The following CDC14B variants were observed in gnomAD, a reference collection of about 807,000 sequenced individuals.
CDC14B encodes cell division cycle 14B, also known as dual specificity protein phosphatase CDC14B.
A neutral mutation model predicts 64.2 loss-of-function variants in CDC14B; 22 were observed. The ratio of observed to expected loss-of-function variants is 0.34; its 90% CI spans 0.24 to 0.49. The LOEUF (loss-of-function observed/expected upper bound fraction) is 0.49, where lower values mean the gene tolerates loss of function less well. CDC14B is among the 20% of genes least tolerant of loss of function. The pLI is 0.99. For synonymous variants in CDC14B, 191 were observed against 215.8 expected (o/e 0.89, Z 1.01); for missense variants, 498 against 629.9 (o/e 0.79, Z 2.24).
Position 96,539,100 on chromosome 9 carries a change from A to G in CDC14B, c.605T>C (p.Leu202Pro). 1.1e-5 allele frequency: 17 copies of G among 1,609,828 alleles called. No individual in the cohort carries two copies. The highest frequency in any genetic ancestry group is 1.4e-5 in the Non-Finnish European group (17 of 1,176,256). Residue 202 changes from leucine to proline, a missense_variant, in exon 7 of 14, where the codon CTT becomes CCT. Leu to Pro is a moderately conservative substitution (Grantham distance 98). Coordinates refer to ENST00000375241, the MANE Select transcript of CDC14B (RefSeq NM_033331.4). ...YGFLNFNSFN[L>P]DEYEHYEKAE... ...TACTTCATAGTGTTCATATTCATCA[A>G]GGTTAAATGAGTTGAAATTAAGGAA...
In CDC14B at chr9:96,606,847, T is replaced by C. The variant is rs564535561; in HGVS notation, c.160+12372A>G. On this transcript the variant is annotated intron_variant, in intron 1 of 13. Coordinates refer to ENST00000375241, the MANE Select transcript of CDC14B (RefSeq NM_033331.4). ...TCCCAAAGTGCTGGGATTACAGGCGTGAGCCACCGTGCCTGGCCTACTAAT... is the reference window on the plus strand; with the variant it reads ...TCCCAAAGTGCTGGGATTACAGGCGCGAGCCACCGTGCCTGGCCTACTAAT... Among the ~76,000 whole-genome samples the C allele has an allele frequency of 8.5e-5, 13 of 152,140 alleles. No individual in the cohort carries two copies. The South Asian group carries it at 2.5e-3, about 29-fold the overall frequency.
intron 9 of CDC14B, among the ~76,000 whole-genome samples, chr9:96,533,627 T>C (rs566848515): frequency 6.6e-6 from 1 of 152,332 alleles, no homozygotes; most frequent in South Asian, 2.1e-4. Flanking sequence ...GTTAAGAATA[T>C]AGTTTCCATT....
At chr9:96,600,605 C>T (rs372398934) in intron 1 of CDC14B, among the ~76,000 whole-genome samples, 14 of 151,978 alleles carry the variant, frequency 9.2e-5, no homozygotes, top group African/African-American at 2.9e-4. Context: ...TGAGTTCGAG[C>T]GATTCTCCGG....
intron 13 of CDC14B, among the ~76,000 whole-genome samples, chr9:96,509,206 C>T (rs535679764): frequency 6.6e-6 from 1 of 152,300 alleles, no homozygotes; most frequent in African/African-American, 2.4e-5. Context: ...AAGACAGTGA[C>T]GACAGTGAAA....
intron 6 of CDC14B, among the ~76,000 whole-genome samples, chr9:96,541,508 A>T (rs1044696875): frequency 6.6e-6 from 1 of 152,252 alleles, no homozygotes; most frequent in Non-Finnish European, 1.5e-5. Flanking sequence ...TAAACAAGTC[A>T]TCTTTACTTT....
At chr9:96,604,346 TTATTATTATTATTA>T (rs1846714940) in intron 1 of CDC14B, among the ~76,000 whole-genome samples, 11 of 51,284 alleles carry the variant, frequency 2.1e-4, no homozygotes, top group African/African-American at 5.7e-4. Context: ...CTTGCATTTA[TTATTATTATTATTA>T]TTATTATTAT....
At chr9:96,553,082 T>C (rs775475601) in intron 4 of CDC14B, among the ~76,000 whole-genome samples, 2 of 152,232 alleles carry the variant, frequency 1.3e-5, no homozygotes, top group Admixed American at 1.3e-4. Flanking sequence ...TTCACTGATG[T>C]ACTTAGCTGA....
At chr9:96,571,179 ATT>A (rs60431469) in intron 1 of CDC14B, among the ~76,000 whole-genome samples, 1 of 146,132 alleles carries the variant, frequency 6.8e-6, no homozygotes, top group Admixed American at 6.8e-5. Flanking sequence ...CGAAAAAAAA[ATT>A]TTTTTTTTTT....
At chr9:96,512,691 A>G (rs1409408281) in intron 12 of CDC14B, among the ~76,000 whole-genome samples, 1 of 152,240 alleles carries the variant, frequency 6.6e-6, no homozygotes, top group Non-Finnish European at 1.5e-5. Context: ...GAATTTGAAT[A>G]TAGAATTTTG....
chr9:96,528,665 T>G (rs1837960501), intron 9 of CDC14B, among the ~76,000 whole-genome samples: 1 of 152,236 alleles, frequency 6.6e-6, no homozygotes, highest in Admixed American at 6.5e-5. Flanking sequence ...TTTCAGGAAC[T>G]GCCACACCAT....
At position 96,515,618 on chromosome 9, in the gene CDC14B, C is replaced by A; in HGVS notation, c.1344-5829G>T. ...AACCACACTAGGCACCAGAAGTAAG[C>A]AACGGCAGAGAAACAGAACGGGACA... On this transcript the variant is annotated intron_variant, in intron 12 of 13. Coordinates refer to ENST00000375241, the MANE Select transcript of CDC14B (RefSeq NM_033331.4). The surrounding 1 kb of genome is among the most constrained non-coding windows in gnomAD (Gnocchi z 4.3). 1 of 1,532,872 alleles carries A rather than the reference C, an allele frequency of 6.5e-7. No individual in the cohort carries two copies. The highest frequency in any genetic ancestry group is 8.8e-7 in the Non-Finnish European group (1 of 1,138,738). 95.0% of individuals were successfully genotyped at this position (1,532,872 alleles called of 1,614,324 possible). A position where few individuals can be genotyped will look rare whatever the true frequency, so the allele number is the denominator to read the frequency against.
At chr9:96,505,494 T>C (rs1241723434) in intron 13 of CDC14B, among the ~76,000 whole-genome samples, 1 of 152,052 alleles carries the variant, frequency 6.6e-6, no homozygotes, top group Non-Finnish European at 1.5e-5. Context: ...TGCGAGCAAA[T>C]GAGGTGGCTG....
At chr9:96,603,991 C>T (rs987200435) in intron 1 of CDC14B, among the ~76,000 whole-genome samples, 1 of 152,090 alleles carries the variant, frequency 6.6e-6, no homozygotes. Context: ...TTCCCTTATT[C>T]GAAATAAAAG....
downstream of CDC14B, chr9:96,496,471 C>T (rs979818326): frequency 4.8e-6 from 2 of 414,848 alleles, no homozygotes; most frequent in South Asian, 1.8e-5. Flanking sequence ...TCCTGGGCCG[C>T]TAACTCTCAA....
chr9:96,592,018 T>C (rs1489782945), intron 1 of CDC14B, among the ~76,000 whole-genome samples: 1 of 152,208 alleles, frequency 6.6e-6, no homozygotes, highest in Non-Finnish European at 1.5e-5. Context: ...GTGCTGGGAT[T>C]ACAGGCATGA....
At chr9:96,528,824 C>T (rs1259453361) in intron 9 of CDC14B, among the ~76,000 whole-genome samples, 1 of 152,176 alleles carries the variant, frequency 6.6e-6, no homozygotes, top group Non-Finnish European at 1.5e-5. Flanking sequence ...AGTGGTATCT[C>T]ACTGTGGTTG....
intron 1 of CDC14B, among the ~76,000 whole-genome samples, chr9:96,569,956 T>C (rs919847708): frequency 5.3e-5 from 8 of 152,222 alleles, no homozygotes; most frequent in Admixed American, 5.2e-4. Flanking sequence ...TAAAAATCCA[T>C]GTATCCCCCC....
At chr9:96,541,976 A>ATGGT (rs2131865440) in intron 5 of CDC14B, 84 bp from the exon 6 acceptor site, 3 of 892,790 alleles carry the variant, frequency 3.4e-6, no homozygotes, top group Non-Finnish European at 3.6e-6. Context: ...AGAATTTAAA[A>ATGGT]TCAAATGTAC....
intron 6 of CDC14B, among the ~76,000 whole-genome samples, chr9:96,540,453 T>C (rs908153528): frequency 6.6e-6 from 1 of 151,988 alleles, no homozygotes; most frequent in African/African-American, 2.4e-5. Context: ...GGCAACATAG[T>C]GAGACCTCAT....
Sources: gnomAD v4.1 joint callset for allele counts (sites outside exome capture counted in the v4.1 genomes callset) on GRCh38, gnomAD v4.1.1 for gene constraint, Gnocchi (gnomAD v3.1) non-coding constraint, MANE v1.5 for transcripts, NCBI Gene and HGNC (gene_info 2026-07-23, HGNC 2026-07-21) for gene names.